BARD1: variants seen among roughly 807,000 people sequenced by gnomAD.
The protein encoded by BARD1 is BRCA1 associated RING domain 1.
In BARD1, 73 loss-of-function variants were observed where a neutral mutation model predicts 77.0. The ratio of observed to expected loss-of-function variants is 0.95; its 90% CI spans 0.79 to 1.15. The LOEUF (loss-of-function observed/expected upper bound fraction) is 1.15. Among genes scored for constraint, BARD1 ranks in the 50% most tolerant of loss-of-function variants. The probability of loss-of-function intolerance (pLI) is 0.00; values close to 1 mark genes in which losing one functional copy is unlikely to be tolerated. For missense variants in BARD1, 993 were observed against 938.8 expected (o/e 1.06, Z -0.75); for synonymous variants, 384 against 338.0 (o/e 1.14, Z -1.49).
chr2:214,763,294 G>A (rs1321694534), intron 6 of BARD1, among the ~76,000 whole-genome samples: 1 of 152,058 alleles, frequency 6.6e-6, no homozygotes, highest in Non-Finnish European at 1.5e-5. Context: ...TCATACTACT[G>A]TGAGCACCGT....
At chr2:214,763,831 T>A (rs534751025) in intron 6 of BARD1, among the ~76,000 whole-genome samples, 9 of 152,288 alleles carry the variant, frequency 5.9e-5, no homozygotes, top group African/African-American at 2.2e-4. Flanking sequence ...TCCCATAGTC[T>A]CCATGCTCCA....
At chr2:214,779,287 T>A (rs550505596) in intron 4 of BARD1, among the ~76,000 whole-genome samples, 1 of 152,264 alleles carries the variant, frequency 6.6e-6, no homozygotes, top group Non-Finnish European at 1.5e-5. Flanking sequence ...TATTTGCAAA[T>A]AACCTACAGA....
intron 4 of BARD1, among the ~76,000 whole-genome samples, chr2:214,775,778 A>T (rs1694712190): frequency 6.6e-6 from 1 of 152,232 alleles, no homozygotes; most frequent in South Asian, 2.1e-4. Flanking sequence ...AAGCAGACTT[A>T]TACATATGTG....
At chr2:214,753,500 C>T (rs776017047) in intron 6 of BARD1, among the ~76,000 whole-genome samples, 7 of 151,820 alleles carry the variant, frequency 4.6e-5, no homozygotes, top group Non-Finnish European at 8.8e-5. Flanking sequence ...TGTGAAAATC[C>T]AATGCAGTAA....
intron 9 of BARD1, among the ~76,000 whole-genome samples, chr2:214,740,416 A>G (rs1692768389): frequency 6.6e-6 from 1 of 152,048 alleles, no homozygotes; most frequent in South Asian, 2.1e-4. Context: ...TTATTCCTAG[A>G]GAACTTAAAT....
chr2:214,741,661 C>T (rs1449891643), intron 9 of BARD1, among the ~76,000 whole-genome samples: 1 of 152,090 alleles, frequency 6.6e-6, no homozygotes, highest in African/African-American at 2.4e-5. Flanking sequence ...AGGGACTTTT[C>T]TTATCTATAG....
chr2:214,731,577 A>C (rs1276880762), intron 9 of BARD1, among the ~76,000 whole-genome samples: 1 of 152,184 alleles, frequency 6.6e-6, no homozygotes, highest in East Asian at 1.9e-4. Context: ...AAATGAAAAC[A>C]ATGTTTTTCA....
In BARD1 at chr2:214,767,589, C is replaced by A. The variant is rs1694272372; in HGVS notation, c.1461G>T (p.Val487=). Reference sequence around the variant, plus strand: ...AGTCATTTTGATACCCGGTGGTGTTCACCAATGCCTTATGCTGGAGCAATA... The same window carrying A: ...AGTCATTTTGATACCCGGTGGTGTTAACCAATGCCTTATGCTGGAGCAATA... ...VELLLQHKAL[V]NTTGYQNDSP... Residue 487 remains valine, a synonymous_variant, in exon 6 of 11, where the codon GTG becomes GTT. Coordinates refer to ENST00000260947, the MANE Select transcript of BARD1 (RefSeq NM_000465.4). The A allele has an allele frequency of 2.5e-6, 4 of 1,614,066 alleles. No individual in the cohort carries two copies. The highest frequency in any genetic ancestry group is 3.4e-6 in the Non-Finnish European group (4 of 1,179,970).
chr2:214,728,824 T>A lies in BARD1; in HGVS notation c.2186A>T (p.Asp729Val), dbSNP rs1337993937. Residue 729 changes from aspartate (D) to valine (V), a missense_variant, in exon 11 of 11, where the codon GAT (aspartate) becomes GTT (valine). Asp to Val is a radical substitution (Grantham distance 152). Coordinates refer to ENST00000260947, the MANE Select transcript of BARD1 (RefSeq NM_000465.4). ...GATATACTGTGTGCAGAAGCGCTGA[T>A]CAGAATCGGGTCTCGCATGGTATGC... ...TVAYHARPDS[D>V]QRFCTQYIIY... is the part of the protein sequence containing the mutation. The A allele has an allele frequency of 2.5e-6, 4 of 1,614,210 alleles. No homozygotes were observed. In the Admixed American group the frequency reaches 5.0e-5, roughly 20 times the overall value.
chr2:214,753,179 A>G (rs1180258485), intron 6 of BARD1, among the ~76,000 whole-genome samples: 1 of 152,172 alleles, frequency 6.6e-6, no homozygotes, highest in Admixed American at 6.5e-5. Flanking sequence ...TAGAGATCCC[A>G]GTTTGATCCT....
intron 7 of BARD1, among the ~76,000 whole-genome samples, chr2:214,750,632 G>GC (rs1410898474): frequency 2.0e-5 from 3 of 152,034 alleles, no homozygotes; most frequent in South Asian, 2.1e-4. Flanking sequence ...TGTTCAGGTA[G>GC]CCCCCCTTTC....
At chr2:214,787,702 C>T (rs764661231) in intron 3 of BARD1, among the ~76,000 whole-genome samples, 9 of 151,910 alleles carry the variant, frequency 5.9e-5, no homozygotes, top group African/African-American at 1.7e-4. Flanking sequence ...TATTGAGTAA[C>T]AGAGATGCAT....
intron 4 of BARD1, among the ~76,000 whole-genome samples, chr2:214,772,309 A>G (rs1193914221): frequency 6.6e-6 from 1 of 152,156 alleles, no homozygotes; most frequent in Non-Finnish European, 1.5e-5. Flanking sequence ...CCAAGATACA[A>G]ATTTTTTTTT....
At chr2:214,800,701 A>G (rs1695978278) in intron 1 of BARD1, among the ~76,000 whole-genome samples, 1 of 152,220 alleles carries the variant, frequency 6.6e-6, no homozygotes, top group South Asian at 2.1e-4. Flanking sequence ...AACATCAAAG[A>G]TATCTAGACA....
chr2:214,809,371 C>T (rs555835196), intron 1 of BARD1, 41 bp downstream of exon 1: 1 of 1,609,980 alleles, frequency 6.2e-7, no homozygotes, highest in Non-Finnish European at 8.5e-7. Context: ...AACTGTGCGA[C>T]CCGTGCCCTC....
chr2:214,794,912 T>C (rs1171566443), intron 2 of BARD1, among the ~76,000 whole-genome samples: 1 of 152,224 alleles, frequency 6.6e-6, no homozygotes, highest in Admixed American at 6.5e-5. Flanking sequence ...ATAATCATTT[T>C]CTCTTTTAAG....
intron 6 of BARD1, among the ~76,000 whole-genome samples, chr2:214,760,264 C>A (rs993777300): frequency 6.6e-6 from 1 of 152,212 alleles, no homozygotes; most frequent in Non-Finnish European, 1.5e-5. Context: ...ACGATCTCGG[C>A]TTACTGCAAC....
intron 2 of BARD1, among the ~76,000 whole-genome samples, chr2:214,796,380 G>C (rs1341614749): frequency 1.3e-5 from 2 of 152,220 alleles, no homozygotes; most frequent in Non-Finnish European, 2.9e-5. Context: ...GTTAAGATGA[G>C]AACATTAGGG....
intron 4 of BARD1, among the ~76,000 whole-genome samples, chr2:214,773,311 G>A (rs1311817059): frequency 1.3e-5 from 2 of 152,180 alleles, no homozygotes; most frequent in African/African-American, 4.8e-5. Flanking sequence ...TGCCTAGCAT[G>A]GTTAAGCCTT....
Sources: allele counts gnomAD v4.1 joint callset (sites outside exome capture counted in the v4.1 genomes callset), GRCh38; gene constraint gnomAD v4.1.1; transcripts MANE v1.5; gene names NCBI Gene and HGNC (gene_info 2026-07-23, HGNC 2026-07-21).